ACADSB: variants seen among roughly 807,000 people sequenced by gnomAD.
ACADSB encodes the protein acyl-CoA dehydrogenase short/branched chain.
Under a neutral mutation model 54.1 loss-of-function variants are expected in ACADSB, and 40 were observed. The ratio of observed to expected loss-of-function variants is 0.74; its 90% CI spans 0.57 to 0.96. The LOEUF (loss-of-function observed/expected upper bound fraction) is 0.96. Ranked by LOEUF, ACADSB falls within the 40% of genes least tolerant of loss-of-function variation. ACADSB has a pLI of 0.00. For synonymous variants in ACADSB, 182 were observed against 182.8 expected, an observed-to-expected ratio of 1.00 and a Z score of 0.03; for missense variants, 530 against 510.4, an observed-to-expected ratio of 1.04 and a Z score of -0.37.
Position 123,040,592 on chromosome 10 carries a change from A to G in ACADSB, c.430A>G (p.Thr144Ala), listed in dbSNP as rs372185921. The G allele has an allele frequency of 6.2e-6, 10 of 1,614,128 alleles. No homozygotes were observed. The highest frequency in any genetic ancestry group is 4.5e-5 in the East Asian group (2 of 44,872). The change falls in exon 4 of 11, where the codon ACA becomes GCA. Residue 144 changes from threonine to alanine, a missense_variant. Thr to Ala is a moderately conservative substitution (Grantham distance 58). Coordinates refer to ENST00000358776, the MANE Select transcript of ACADSB (RefSeq NM_001609.4). ...GGCTGTCTTTTGTGAGATCCAGAAC[A>G]CATTAATTAACACACTGATTAGAAA... ...SVAVFCEIQN[T>A]LINTLIRKHG...
intron 10 of ACADSB, 27 bp downstream of exon 10, chr10:123,053,187 T>G (rs1380493390): frequency 1.3e-6 from 2 of 1,535,456 alleles, no homozygotes; most frequent in Non-Finnish European, 1.8e-6. Context: ...TTTTTACATT[T>G]TATTTTGTTT....
At position 123,047,283 on chromosome 10, in the gene ACADSB, A is replaced by T; in HGVS notation, c.975A>T (p.Arg325Ser). 1 of 1,589,712 alleles carries T rather than the reference A, an allele frequency of 6.3e-7. No individual in the cohort carries two copies. Among genetic ancestry groups the T allele is most frequent in the South Asian group, 1.1e-5 (1 of 90,618 alleles). The change falls in exon 8 of 11, where the codon AGA becomes AGT. Residue 325 changes from arginine (R) to serine (S), a missense_variant. Physicochemically the swap from Arg to Ser is moderately radical, Grantham distance 110. Coordinates refer to ENST00000358776, the MANE Select transcript of ACADSB (RefSeq NM_001609.4). Reference sequence around the variant, plus strand: ...AAGAAAGGATACAATTTGGCAAAAGACTATTTGATTTTCAGGTATGTAATT... The same window carrying T: ...AAGAAAGGATACAATTTGGCAAAAGTCTATTTGATTTTCAGGTATGTAATT... Reference protein sequence around the residue: ...YIKERIQFGKRLFDFQGLQHQ... With the variant: ...YIKERIQFGKSLFDFQGLQHQ...
chr10:123,014,640 A>T lies in ACADSB; in HGVS notation c.42+5569A>T, dbSNP rs145033692. Among the ~76,000 whole-genome samples the T allele has an allele frequency of 3.4e-3, 519 of 152,374 alleles. 4 individuals are homozygous for T. Among genetic ancestry groups the T allele is most frequent in the African/African-American group, 0.012 (491 of 41,590 alleles). On this transcript the variant is annotated intron_variant, in intron 1 of 10. Coordinates refer to ENST00000358776, the MANE Select transcript of ACADSB (RefSeq NM_001609.4). Reference sequence around the variant, plus strand: ...AACAGGGTTCTTGACATCAAAAAAAATTACATTTTTAATTGGGGAGGTAGG... The same window carrying T: ...AACAGGGTTCTTGACATCAAAAAAATTTACATTTTTAATTGGGGAGGTAGG...
At chr10:123,016,906 A>G (rs530349462) in intron 1 of ACADSB, among the ~76,000 whole-genome samples, 1 of 152,214 alleles carries the variant, frequency 6.6e-6, no homozygotes, top group Non-Finnish European at 1.5e-5. Flanking sequence ...AGTGCAAGAC[A>G]TGGCAGGGCC....
chr10:123,053,721 A>T lies in ACADSB; in HGVS notation c.1255A>T (p.Ile419Phe), dbSNP rs1191261547. 1.2e-6 allele frequency: 2 copies of T among 1,614,092 alleles called. No homozygotes were observed. Among genetic ancestry groups the T allele is most frequent in the Non-Finnish European group, 1.7e-6 (2 of 1,179,942 alleles). The change falls in exon 11 of 11, where the codon ATC (isoleucine) becomes TTC (phenylalanine). Residue 419 changes from isoleucine (I) to phenylalanine (F), a missense_variant. Ile to Phe is a conservative substitution (Grantham distance 21, BLOSUM62 0). Coordinates refer to ENST00000358776, the MANE Select transcript of ACADSB (RefSeq NM_001609.4). Reference sequence around the variant, plus strand: ...TACGATATATGAAGGAGCTTCCAACATCCAGTTGAACACCATTGCAAAGCA... The same window carrying T: ...TACGATATATGAAGGAGCTTCCAACTTCCAGTTGAACACCATTGCAAAGCA... The part of the protein sequence containing the change: ...IGTIYEGASN[I>F]QLNTIAKHID...
chr10:123,044,495 A>T lies in ACADSB; in HGVS notation c.900+10A>T, dbSNP rs372348012. 6.3e-7 allele frequency: 1 copy of T among 1,593,862 alleles called. No homozygotes were observed. Among genetic ancestry groups the T allele is most frequent in the Non-Finnish European group, 8.6e-7 (1 of 1,161,834 alleles). ...AGGAATTGCTGCACAGGTAAGTCAG[A>T]TTTAAACTCTTCCATGATGTGAGTC... On this transcript the variant is annotated intron_variant, in intron 7 of 10. Coordinates refer to ENST00000358776, the MANE Select transcript of ACADSB (RefSeq NM_001609.4).
At chr10:123,018,346 G>A (rs1850135362) in intron 1 of ACADSB, among the ~76,000 whole-genome samples, 1 of 152,094 alleles carries the variant, frequency 6.6e-6, no homozygotes, top group Admixed American at 6.5e-5. Flanking sequence ...TGATTCCCTT[G>A]CCTTGTGTCT....
chr10:123,048,790 G>A (rs912874242), intron 8 of ACADSB, among the ~76,000 whole-genome samples: 3 of 151,948 alleles, frequency 2.0e-5, no homozygotes, highest in Admixed American at 6.6e-5. Context: ...GTGCAGGGGC[G>A]CTATCTTGGC....
Position 123,053,960 on chromosome 10 carries a change from G to C in ACADSB, c.*195G>C. The C allele has an allele frequency of 3.2e-6, 2 of 620,846 alleles. No individual in the cohort carries two copies. The highest frequency in any genetic ancestry group is 5.5e-5 in the East Asian group (2 of 36,464). 38.5% of individuals were successfully genotyped at this position (620,846 alleles called of 1,614,324 possible). Reference sequence around the variant, plus strand: ...CAGGCTGTTTAACTTAGGCACAGGAGATCCACTTTTAAACTTGGGAAATAA... The same window carrying C: ...CAGGCTGTTTAACTTAGGCACAGGACATCCACTTTTAAACTTGGGAAATAA... On this transcript the variant is annotated 3_prime_UTR_variant, in exon 11 of 11. Coordinates refer to ENST00000358776, the MANE Select transcript of ACADSB (RefSeq NM_001609.4).
chr10:123,024,200 G>A (rs1193227099), intron 1 of ACADSB, among the ~76,000 whole-genome samples: 1 of 152,352 alleles, frequency 6.6e-6, no homozygotes, highest in South Asian at 2.1e-4. Context: ...AGGCTGAGTG[G>A]GTTTCTTTTG....
Position 123,044,427 on chromosome 10 carries a change from A to T in ACADSB, c.842A>T (p.His281Leu). The T allele has an allele frequency of 6.2e-7, 1 of 1,614,032 alleles. No homozygotes were observed. Among genetic ancestry groups the T allele is most frequent in the Non-Finnish European group, 8.5e-7 (1 of 1,179,908 alleles). Residue 281 changes from histidine (H) to leucine (L), a missense_variant, in exon 7 of 11, where the codon CAT becomes CTT. By Grantham distance (99) the His-to-Leu change is moderately conservative. Transcript: ENST00000358776. ...GCCAATATCTTGGGACAAATTGGAC[A>T]TGGCTATAAGTATGCCATAGGGAGT... ...PEANILGQIG[H>L]GYKYAIGSLN...
Position 123,011,590 on chromosome 10 carries a change from G to A in ACADSB, c.42+2519G>A, listed in dbSNP as rs184836296. Among the ~76,000 whole-genome samples, 10 of 150,532 alleles carry A rather than the reference G, an allele frequency of 6.6e-5. No homozygotes were observed. In the East Asian group the frequency reaches 1.2e-3, roughly 18 times the overall value. ...CGCCCAGGTTGGAGTGCTGTGGTGC[G>A]ATCTCAGTTCACTGTAACCTATGCC... On this transcript the variant is annotated intron_variant, in intron 1 of 10. Coordinates refer to ENST00000358776, the MANE Select transcript of ACADSB (RefSeq NM_001609.4).
chr10:123,023,627 T>C (rs996028678), intron 1 of ACADSB, among the ~76,000 whole-genome samples: 3 of 152,108 alleles, frequency 2.0e-5, no homozygotes, highest in African/African-American at 4.8e-5. Flanking sequence ...GGTAAAGCAG[T>C]TTCCATGGCA....
chr10:123,020,259 G>C (rs1850166588), intron 1 of ACADSB, among the ~76,000 whole-genome samples: 1 of 152,142 alleles, frequency 6.6e-6, no homozygotes, highest in Non-Finnish European at 1.5e-5. Flanking sequence ...AATGATATTT[G>C]CCTATTCATC....
intron 1 of ACADSB, among the ~76,000 whole-genome samples, chr10:123,032,255 A>C (rs546267250): frequency 3.0e-4 from 45 of 152,082 alleles, no homozygotes; most frequent in Non-Finnish European, 5.0e-4. Context: ...CTCGGACTAC[A>C]GGTGTGAGCC....
intron 9 of ACADSB, among the ~76,000 whole-genome samples, chr10:123,051,970 G>A (rs1347062771): frequency 6.6e-6 from 1 of 151,970 alleles, no homozygotes; most frequent in Non-Finnish European, 1.5e-5. Context: ...TCCTTAAATG[G>A]TGTGTTTGTC....
chr10:123,044,160 C>T (rs1850517443), intron 6 of ACADSB, among the ~76,000 whole-genome samples: 1 of 152,172 alleles, frequency 6.6e-6, no homozygotes. Flanking sequence ...TAGATTCACT[C>T]ATCCATTCAA....
intron 1 of ACADSB, among the ~76,000 whole-genome samples, chr10:123,015,223 C>T (rs939092895): frequency 3.3e-5 from 5 of 152,204 alleles, no homozygotes; most frequent in Non-Finnish European, 7.3e-5. Flanking sequence ...CTTTGTCTTC[C>T]GTTGATCTCT....
rs1449514704 is a variant in ACADSB, at chr10:123,054,244, C to G, written c.*479C>G. 2 of 160,688 alleles carry G rather than the reference C, an allele frequency of 1.2e-5. No homozygotes were observed. The highest frequency in any genetic ancestry group is 2.8e-5 in the Non-Finnish European group (2 of 72,356). 10.0% of individuals were successfully genotyped at this position (160,688 alleles called of 1,614,324 possible). A position where few individuals can be genotyped will look rare whatever the true frequency, so the allele number is the denominator to read the frequency against. On this transcript the variant is annotated 3_prime_UTR_variant, in exon 11 of 11. Transcript: ENST00000358776. Reference sequence around the variant, plus strand: ...GTTTTACCATATTGCCCAGGCTGGTCTTCTGGCTTCTGGATATCGCCCACC... The same window carrying G: ...GTTTTACCATATTGCCCAGGCTGGTGTTCTGGCTTCTGGATATCGCCCACC...
Sources: allele counts gnomAD v4.1 joint callset (sites outside exome capture counted in the v4.1 genomes callset), GRCh38; gene constraint gnomAD v4.1.1; transcripts MANE v1.5; gene names NCBI Gene and HGNC (gene_info 2026-07-23, HGNC 2026-07-21).